ZNF385B: variants seen among roughly 807,000 people sequenced by gnomAD.
ZNF385B encodes the protein zinc finger protein 385B.
Under a neutral mutation model 39.2 loss-of-function variants are expected in ZNF385B, and 23 were observed. That is an observed-to-expected ratio of 0.59 (90% confidence interval 0.42 to 0.83). The LOEUF (loss-of-function observed/expected upper bound fraction) is 0.83. Ranked by LOEUF, ZNF385B falls within the 40% of genes least tolerant of loss-of-function variation. The probability of loss-of-function intolerance (pLI) is 0.00; values close to 1 mark genes in which losing one functional copy is unlikely to be tolerated. For synonymous variants in ZNF385B, 205 were observed against 222.6 expected, an observed-to-expected ratio of 0.92 and a Z score of 0.70; for missense variants, 552 against 598.9, an observed-to-expected ratio of 0.92 and a Z score of 0.82.
At chr2:179,519,214 C>T (rs2058311953) in intron 4 of ZNF385B, among the ~76,000 whole-genome samples, 1 of 152,178 alleles carries the variant, frequency 6.6e-6, no homozygotes, top group African/African-American at 2.4e-5. Context: ...ATGTCAATGA[C>T]AATTATTACA....
chr2:179,746,610 A>G (rs1233911952), intron 3 of ZNF385B, among the ~76,000 whole-genome samples: 1 of 152,202 alleles, frequency 6.6e-6, no homozygotes, highest in African/African-American at 2.4e-5. Context: ...TAAACATGCA[A>G]GATAGATATT....
intron 1 of ZNF385B, among the ~76,000 whole-genome samples, chr2:179,839,093 T>A (rs775025066): frequency 6.6e-6 from 1 of 152,198 alleles, no homozygotes; most frequent in African/African-American, 2.4e-5. Flanking sequence ...AGAATTCTTC[T>A]AAAGAAGATT....
chr2:179,487,431 T>A (rs1176590444), intron 5 of ZNF385B, among the ~76,000 whole-genome samples: 1 of 152,258 alleles, frequency 6.6e-6, no homozygotes, highest in Non-Finnish European at 1.5e-5. Context: ...CTATCCCTAG[T>A]ACTGTGTCTG....
Position 179,714,942 on chromosome 2 carries a change from C to CAAAAAAAAAAAAAAAA in ZNF385B, c.298+54545_298+54560dup, listed in dbSNP as rs34449760. Among the ~76,000 whole-genome samples, 28 of 79,248 alleles carry CAAAAAAAAAAAAAAAA rather than the reference C, an allele frequency of 3.5e-4. 1 individual carries two copies. The highest frequency in any genetic ancestry group is 1.6e-3 in the East Asian group (2 of 1,252). The allele number at this position is 79,248 out of a possible 152,430, so 52.0% of individuals were successfully genotyped here. A position where few individuals can be genotyped will look rare whatever the true frequency, so the allele number is the denominator to read the frequency against. On this transcript the variant is annotated intron_variant, in intron 3 of 9. Transcript: ENST00000410066. ...TGGGTAACAAAGCGAGATTCTATCT[C>CAAAAAAAAAAAAAAAA]AAAAAAAAAAAAAAAAAAACAGTTT...
Position 179,542,276 on chromosome 2 carries a change from T to C in ZNF385B, c.441+2551A>G, listed in dbSNP as rs553197362. Among the ~76,000 whole-genome samples, 7 of 152,276 alleles carry C rather than the reference T, an allele frequency of 4.6e-5. No individual in the cohort carries two copies. In the East Asian group the frequency reaches 1.3e-3, roughly 29 times the overall value. On this transcript the variant is annotated intron_variant, in intron 4 of 9. Coordinates refer to ENST00000410066, the MANE Select transcript of ZNF385B (RefSeq NM_152520.6). ...CATAAATTTATTTCCTGCAAGATGATAGAGGGTGCCACTTGGAATGACTTA... is the reference window on the plus strand; with the variant it reads ...CATAAATTTATTTCCTGCAAGATGACAGAGGGTGCCACTTGGAATGACTTA...
At chr2:179,666,554 T>C (rs3106723) in intron 3 of ZNF385B, among the ~76,000 whole-genome samples, 63,571 of 152,082 alleles carry the variant, frequency 0.42, 14,033 homozygotes, top group African/African-American at 0.57. Flanking sequence ...GAATACATGT[T>C]ATATAATCAT....
intron 1 of ZNF385B, among the ~76,000 whole-genome samples, chr2:179,806,434 C>T (rs1042280248): frequency 1.3e-5 from 2 of 152,150 alleles, no homozygotes; most frequent in East Asian, 3.9e-4. Context: ...GTTGGTGAGG[C>T]ATGGAGGTCA....
chr2:179,821,696 CCT>C, intron 1 of ZNF385B, among the ~76,000 whole-genome samples: 1 of 152,076 alleles, frequency 6.6e-6, no homozygotes, highest in Non-Finnish European at 1.5e-5. Context: ...ACCTGTTTCC[CCT>C]CTTAGTATAT....
chr2:179,694,956 A>AGAGGAGGAGGAG (rs71994313), intron 3 of ZNF385B, among the ~76,000 whole-genome samples: 8 of 148,592 alleles, frequency 5.4e-5, no homozygotes, highest in Non-Finnish European at 1.0e-4. Flanking sequence ...AAAAGAAAGA[A>AGAGGAGGAGGAG]GAGGAGGAGG....
chr2:179,631,108 C>T (rs558498390), intron 3 of ZNF385B, among the ~76,000 whole-genome samples: 14 of 152,280 alleles, frequency 9.2e-5, no homozygotes, highest in Admixed American at 5.9e-4. Flanking sequence ...AGGATATCAT[C>T]CAGGAGAACT....
chr2:179,558,971 G>A (rs2061140604), intron 3 of ZNF385B, among the ~76,000 whole-genome samples: 1 of 152,154 alleles, frequency 6.6e-6, no homozygotes, highest in African/African-American at 2.4e-5. Context: ...GGTAAAATTG[G>A]AGCTACAATG....
chr2:179,661,952 TAAAA>T (rs1301236066), intron 3 of ZNF385B, among the ~76,000 whole-genome samples: 2 of 152,236 alleles, frequency 1.3e-5, no homozygotes, highest in Non-Finnish European at 2.9e-5. Context: ...AATTTACACT[TAAAA>T]AGAAGTACTA....
intron 3 of ZNF385B, among the ~76,000 whole-genome samples, chr2:179,750,453 C>A (rs888120021): frequency 1.2e-4 from 18 of 152,100 alleles, no homozygotes; most frequent in Non-Finnish European, 1.9e-4. Flanking sequence ...AAAAGTATAT[C>A]AGTATTCCTT....
At chr2:179,617,487 A>G (rs534000495) in intron 3 of ZNF385B, among the ~76,000 whole-genome samples, 59 of 152,182 alleles carry the variant, frequency 3.9e-4, no homozygotes, top group African/African-American at 1.4e-3. Context: ...TCAACTTTCT[A>G]TTTTCTGGAG....
intron 4 of ZNF385B, among the ~76,000 whole-genome samples, chr2:179,528,485 C>T (rs2059059827): frequency 6.6e-6 from 1 of 152,122 alleles, no homozygotes; most frequent in Admixed American, 6.5e-5. Flanking sequence ...TGTCTAAGAG[C>T]TAACAGTTTT....
chr2:179,675,300 C>T (rs1007573368), intron 3 of ZNF385B, among the ~76,000 whole-genome samples: 1 of 152,036 alleles, frequency 6.6e-6, no homozygotes, highest in African/African-American at 2.4e-5. Flanking sequence ...GTAGAGTAGG[C>T]TGAGGAGGAA....
intron 3 of ZNF385B, chr2:179,562,300 T>A: frequency 1.2e-6 from 1 of 825,548 alleles, no homozygotes; most frequent in Non-Finnish European, 1.5e-6. Flanking sequence ...GATACTTTTC[T>A]CTTTTTCTGA....
At chr2:179,821,776 C>T (rs914139880) in intron 1 of ZNF385B, among the ~76,000 whole-genome samples, 1 of 151,886 alleles carries the variant, frequency 6.6e-6, no homozygotes, top group Non-Finnish European at 1.5e-5. Context: ...ATGATATATC[C>T]AAGCAGAAGT....
At chr2:179,511,447 G>A (rs1178962345) in intron 5 of ZNF385B, among the ~76,000 whole-genome samples, 1 of 152,140 alleles carries the variant, frequency 6.6e-6, no homozygotes, top group Non-Finnish European at 1.5e-5. Context: ...AGAGATATAG[G>A]CAGAAAGACC....
Sources: allele counts gnomAD v4.1 joint callset (sites outside exome capture counted in the v4.1 genomes callset), GRCh38; gene constraint gnomAD v4.1.1; transcripts MANE v1.5; gene names NCBI Gene and HGNC (gene_info 2026-07-23, HGNC 2026-07-21).